Variants in CHRM3 observed in about 807,000 individuals in gnomAD.
CHRM3 encodes the protein cholinergic receptor muscarinic 3, also known as muscarinic acetylcholine receptor M3.
Under a neutral mutation model 41.8 loss-of-function variants are expected in CHRM3, and 11 were observed. The observed-to-expected ratio is 0.26, with a 90% CI of 0.17 to 0.44. The LOEUF (loss-of-function observed/expected upper bound fraction) is 0.44, where lower values mean the gene tolerates loss of function less well. CHRM3 is among the 20% of genes least tolerant of loss of function. The pLI is 1.00. For synonymous variants in CHRM3, 297 were observed against 301.4 expected (o/e 0.99, Z 0.15); for missense variants, 571 against 745.4 (o/e 0.77, Z 2.72).
chr1:239,872,482 G>T (rs1676675047), intron 6 of CHRM3, among the ~76,000 whole-genome samples: 2 of 152,240 alleles, frequency 1.3e-5, no homozygotes, highest in Middle Eastern at 6.8e-3. Flanking sequence ...CCCACCTTGT[G>T]TGGGACGGCC....
intron 2 of CHRM3, among the ~76,000 whole-genome samples, chr1:239,516,809 A>T (rs1669304776): frequency 6.6e-6 from 1 of 152,184 alleles, no homozygotes; most frequent in South Asian, 2.1e-4. Context: ...TTACTGCCTG[A>T]GCTCTGCCTC....
intron 5 of CHRM3, among the ~76,000 whole-genome samples, chr1:239,749,951 G>A (rs1490877956): frequency 6.6e-6 from 1 of 152,172 alleles, no homozygotes; most frequent in Non-Finnish European, 1.5e-5. Flanking sequence ...CCACGGCTTT[G>A]AATCTCAGTT....
At chr1:239,616,893 G>A (rs1667695287) in intron 3 of CHRM3, among the ~76,000 whole-genome samples, 1 of 129,740 alleles carries the variant, frequency 7.7e-6, no homozygotes, top group Non-Finnish European at 1.6e-5. Context: ...GCAGAGTGCA[G>A]CATTCCTTTC....
At chr1:239,538,640 C>A (rs1310792636) in intron 2 of CHRM3, among the ~76,000 whole-genome samples, 1 of 152,190 alleles carries the variant, frequency 6.6e-6, no homozygotes, top group East Asian at 1.9e-4. Flanking sequence ...TTAAAAAAGT[C>A]ATTGGAACAT....
chr1:239,457,094 G>A (rs957512790), intron 1 of CHRM3, among the ~76,000 whole-genome samples: 11 of 152,066 alleles, frequency 7.2e-5, no homozygotes, highest in Non-Finnish European at 1.0e-4. Flanking sequence ...CATCTTTGAC[G>A]TTTGCATCAT....
chr1:239,650,831 A>G (rs537869524), intron 4 of CHRM3, among the ~76,000 whole-genome samples: 137 of 152,352 alleles, frequency 9.0e-4, no homozygotes, highest in Non-Finnish European at 1.4e-3. Context: ...TTAGTGCACA[A>G]AGGTTAAAAC....
chr1:239,538,499 A>G (rs557947867), intron 2 of CHRM3, among the ~76,000 whole-genome samples: 27 of 152,270 alleles, frequency 1.8e-4, no homozygotes, highest in Non-Finnish European at 3.1e-4. Context: ...GTTTCAACCC[A>G]ATTAGATCAT....
At chr1:239,832,308 C>G (rs564196892) in intron 6 of CHRM3, among the ~76,000 whole-genome samples, 23 of 152,288 alleles carry the variant, frequency 1.5e-4, no homozygotes, top group Non-Finnish European at 2.2e-4. Context: ...GTGCAGAAAG[C>G]AAACTGGAGT....
intron 3 of CHRM3, among the ~76,000 whole-genome samples, chr1:239,606,766 C>G (rs1197760534): frequency 1.3e-5 from 2 of 152,134 alleles, no homozygotes; most frequent in Non-Finnish European, 2.9e-5. Flanking sequence ...CCTAAGGGAG[C>G]TGTGTTTTTG....
chr1:239,633,291 C>T (rs1389492362), intron 4 of CHRM3, among the ~76,000 whole-genome samples: 1 of 152,150 alleles, frequency 6.6e-6, no homozygotes, highest in African/African-American at 2.4e-5. Context: ...TACATAGCGG[C>T]AGGAGAGCGG....
chr1:239,834,381 C>T (rs966297159), intron 6 of CHRM3, among the ~76,000 whole-genome samples: 48 of 145,488 alleles, frequency 3.3e-4, no homozygotes, highest in African/African-American at 1.2e-3. Flanking sequence ...GGCACAATCT[C>T]GGCTCACTGT....
intron 6 of CHRM3, among the ~76,000 whole-genome samples, chr1:239,855,015 C>T (rs1488964180): frequency 6.6e-6 from 1 of 152,156 alleles, no homozygotes; most frequent in Non-Finnish European, 1.5e-5. Flanking sequence ...ATTTAACAGC[C>T]TTATTATGCA....
intron 5 of CHRM3, among the ~76,000 whole-genome samples, chr1:239,779,334 C>T (rs1268602362): frequency 2.6e-5 from 4 of 152,292 alleles, no homozygotes; most frequent in South Asian, 2.1e-4. Flanking sequence ...ACCAAAGACC[C>T]TGGTTTACCT....
chr1:239,868,337 A>G (rs1339908366), intron 6 of CHRM3, among the ~76,000 whole-genome samples: 2 of 152,102 alleles, frequency 1.3e-5, no homozygotes, highest in Non-Finnish European at 2.9e-5. Context: ...TAAATAGCAC[A>G]TTTACTCGTT....
chr1:239,805,911 C>T (rs1670602049), intron 5 of CHRM3, among the ~76,000 whole-genome samples: 1 of 152,120 alleles, frequency 6.6e-6, no homozygotes, highest in South Asian at 2.1e-4. Flanking sequence ...TTTGCTTTCA[C>T]GGTTTCTTCC....
chr1:239,647,516 G>C (rs549937132), intron 4 of CHRM3, among the ~76,000 whole-genome samples: 1 of 151,870 alleles, frequency 6.6e-6, no homozygotes, highest in South Asian at 2.1e-4. Context: ...CTACTGCAAA[G>C]TGATGATTTC....
chr1:239,421,174 T>C (rs906706354), intron 1 of CHRM3, among the ~76,000 whole-genome samples: 6 of 152,220 alleles, frequency 3.9e-5, no homozygotes, highest in African/African-American at 1.4e-4. Context: ...ATACCATACA[T>C]TGGTTTGTCA....
rs147849523 is a variant in CHRM3 at position 239,534,370 on chromosome 1, T to C, written c.-421-11271T>C. 5.5e-3 allele frequency among the ~76,000 whole-genome samples: 837 copies of C among 152,300 alleles called. 11 individuals are homozygous for C. Among genetic ancestry groups the C allele is most frequent in the African/African-American group, 0.019 (797 of 41,570 alleles). On this transcript the variant is annotated intron_variant, in intron 2 of 6. Coordinates refer to ENST00000676153, the MANE Select transcript of CHRM3 (RefSeq NM_001375978.1). Reference sequence around the variant, plus strand: ...GAACGTGCATACTGATTTGCACATATACATATTTAATTTTCAAAGCGTATT... The same window carrying C: ...GAACGTGCATACTGATTTGCACATACACATATTTAATTTTCAAAGCGTATT...
intron 6 of CHRM3, among the ~76,000 whole-genome samples, chr1:239,846,985 G>A (rs1229988329): frequency 6.6e-6 from 1 of 152,124 alleles, no homozygotes; most frequent in Non-Finnish European, 1.5e-5. Context: ...TCTCTTACAC[G>A]TAAAAAGGTT....
Sources: allele counts gnomAD v4.1 joint callset (sites outside exome capture counted in the v4.1 genomes callset), GRCh38; gene constraint gnomAD v4.1.1; transcripts MANE v1.5; gene names NCBI Gene and HGNC (gene_info 2026-07-23, HGNC 2026-07-21).